Variants in GRIN2A observed in about 807,000 individuals in gnomAD.
The protein encoded by GRIN2A is glutamate ionotropic receptor NMDA type subunit 2A.
GRIN2A carries 22 observed loss-of-function variants against 113.4 expected under a neutral mutation model. The observed-to-expected ratio is 0.19, with a 90% CI of 0.14 to 0.28. The LOEUF (loss-of-function observed/expected upper bound fraction) is 0.28. Among genes scored for constraint, GRIN2A ranks in the 10% least tolerant of loss-of-function variants. GRIN2A has a pLI of 1.00. For synonymous variants in GRIN2A, 827 were observed against 738.4 expected (o/e 1.12, Z -1.94); for missense variants, 1,502 against 1,887.0 (o/e 0.80, Z 3.78).
intron 2 of GRIN2A, among the ~76,000 whole-genome samples, chr16:10,167,631 G>A (rs551365490): frequency 1.3e-5 from 2 of 152,252 alleles, no homozygotes; most frequent in Non-Finnish European, 2.9e-5. Flanking sequence ...ACCTGAGTTC[G>A]AAGATCTACG....
rs577048560 is a variant in GRIN2A at position 9,873,190 on chromosome 16, G to A, written c.1122+17796C>T. On this transcript the variant is annotated intron_variant, in intron 4 of 12. Coordinates refer to ENST00000330684, the MANE Select transcript of GRIN2A (RefSeq NM_001134407.3). ...AATGGAGACTCAGAAAGGCAAGTGGGTGTGAGGGAGGAGGCTGAGGGAAGA... is the reference window on the plus strand; with the variant it reads ...AATGGAGACTCAGAAAGGCAAGTGGATGTGAGGGAGGAGGCTGAGGGAAGA... 1.1e-4 allele frequency among the ~76,000 whole-genome samples: 16 copies of A among 152,320 alleles called. No homozygotes were observed. In the East Asian group the frequency reaches 3.1e-3, roughly 29 times the overall value.
intron 10 of GRIN2A, among the ~76,000 whole-genome samples, chr16:9,801,472 G>C (rs953573965): frequency 1.3e-5 from 2 of 151,200 alleles, no homozygotes; most frequent in African/African-American, 4.9e-5. Flanking sequence ...GGTGCTGCTA[G>C]GCTGGAAATC....
At chr16:10,168,966 AAATAATAACAAT>A (rs1196754573) in intron 2 of GRIN2A, among the ~76,000 whole-genome samples, 118 of 115,690 alleles carry the variant, frequency 1.0e-3, no homozygotes, top group African/African-American at 3.4e-3. Flanking sequence ...ACTCTGTCTC[AAATAATAACAAT>A]AATAATAATA....
intron 2 of GRIN2A, among the ~76,000 whole-genome samples, chr16:9,966,056 C>T (rs1021327547): frequency 2.6e-5 from 4 of 152,176 alleles, no homozygotes; most frequent in East Asian, 1.9e-4. Flanking sequence ...TCCCAAGGTT[C>T]GAGAATCCTT....
In GRIN2A at chr16:10,180,100, C is replaced by A. The variant is rs2050230350; in HGVS notation, c.312G>T (p.Thr104=). Residue 104 remains threonine (T), a synonymous_variant, in exon 2 of 13, where the codon ACG becomes ACT. Coordinates refer to ENST00000330684, the MANE Select transcript of GRIN2A (RefSeq NM_001134407.3). This position sits in a 1 kb window ranked among gnomAD's most constrained non-coding sequence, Gnocchi z 7.0. ...GCATCTGGGCTACGGCCTCCTGGTC[C>A]GTGTCGTCCCCAAACACGAGGCCGT... ...RIHGLVFGDD[T]DQEAVAQMLD... 6.2e-7 allele frequency: 1 copy of A among 1,614,190 alleles called. No homozygotes were observed. Among genetic ancestry groups the A allele is most frequent in the Non-Finnish European group, 8.5e-7 (1 of 1,180,028 alleles).
intron 2 of GRIN2A, among the ~76,000 whole-genome samples, chr16:10,147,196 A>G (rs904533973): frequency 1.3e-5 from 2 of 151,894 alleles, no homozygotes; most frequent in African/African-American, 2.4e-5. Flanking sequence ...CTAGTCCCAC[A>G]CTCTAGGAGC....
chr16:10,028,634 CT>C (rs2046866669), intron 2 of GRIN2A, among the ~76,000 whole-genome samples: 1 of 152,212 alleles, frequency 6.6e-6, no homozygotes, highest in Non-Finnish European at 1.5e-5. Flanking sequence ...AAGCTGCCTG[CT>C]GACCCCAGGA....
intron 2 of GRIN2A, among the ~76,000 whole-genome samples, chr16:10,072,008 T>C (rs891310146): frequency 1.3e-5 from 2 of 152,212 alleles, no homozygotes; most frequent in African/African-American, 4.8e-5. Flanking sequence ...GCCCACACTC[T>C]TGGCCACTAC....
At chr16:10,107,573 C>T (rs1380324798) in intron 2 of GRIN2A, among the ~76,000 whole-genome samples, 1 of 152,170 alleles carries the variant, frequency 6.6e-6, no homozygotes, top group African/African-American at 2.4e-5. Flanking sequence ...AATTTGCAGA[C>T]CAGGGCTGAA....
chr16:9,963,565 G>T (rs867759228), intron 2 of GRIN2A, among the ~76,000 whole-genome samples: 2 of 152,026 alleles, frequency 1.3e-5, no homozygotes, highest in African/African-American at 2.4e-5. Flanking sequence ...TCTGCATCTC[G>T]ATCTGTGTGG....
intron 2 of GRIN2A, among the ~76,000 whole-genome samples, chr16:10,030,456 A>T (rs74463739): frequency 1.1e-4 from 17 of 152,188 alleles, no homozygotes; most frequent in African/African-American, 3.9e-4. Flanking sequence ...TGCTATGGGG[A>T]TGAGGGCAAG....
intron 2 of GRIN2A, among the ~76,000 whole-genome samples, chr16:9,957,267 G>A (rs1237471946): frequency 6.6e-6 from 1 of 152,116 alleles, no homozygotes; most frequent in Non-Finnish European, 1.5e-5. Context: ...TTTACTCAGG[G>A]AAGATTATTT....
intron 2 of GRIN2A, among the ~76,000 whole-genome samples, chr16:10,147,581 G>A (rs1480293126): frequency 2.0e-5 from 3 of 150,152 alleles, no homozygotes; most frequent in Non-Finnish European, 4.4e-5. Flanking sequence ...AGCTTGCAGT[G>A]AGCTGAGATT....
intron 3 of GRIN2A, among the ~76,000 whole-genome samples, chr16:9,931,800 T>C (rs549676658): frequency 9.8e-5 from 15 of 152,334 alleles, no homozygotes; most frequent in African/African-American, 3.4e-4. Flanking sequence ...CATGTGTGTA[T>C]ATACATACCC....
At position 10,101,802 on chromosome 16, in the gene GRIN2A, G is replaced by A. The variant is rs28498245; in HGVS notation, c.414+78196C>T. Among the ~76,000 whole-genome samples, 409 of 152,296 alleles carry A rather than the reference G, an allele frequency of 2.7e-3. 1 individual carries two copies. Among genetic ancestry groups the A allele is most frequent in the African/African-American group, 9.0e-3 (376 of 41,560 alleles). On this transcript the variant is annotated intron_variant, in intron 2 of 12. Coordinates refer to ENST00000330684, the MANE Select transcript of GRIN2A (RefSeq NM_001134407.3). Reference sequence around the variant, plus strand: ...CCCTCACACAACCTTCAGATCTTCCGCTGGAGAGATAGCCCCACTCTAGGA... The same window carrying A: ...CCCTCACACAACCTTCAGATCTTCCACTGGAGAGATAGCCCCACTCTAGGA...
chr16:10,041,647 A>G (rs1354867798), intron 2 of GRIN2A, among the ~76,000 whole-genome samples: 1 of 152,150 alleles, frequency 6.6e-6, no homozygotes, highest in Non-Finnish European at 1.5e-5. Context: ...CCTGTCTCCC[A>G]GGGATGCAAT....
intron 2 of GRIN2A, among the ~76,000 whole-genome samples, chr16:10,111,099 G>A (rs553941341): frequency 3.3e-5 from 5 of 152,174 alleles, no homozygotes; most frequent in Non-Finnish European, 5.9e-5. Flanking sequence ...CAGTTTGGAG[G>A]CTTTCAAGGG....
chr16:9,784,184 C>G (rs1334580561), intron 11 of GRIN2A, among the ~76,000 whole-genome samples: 5 of 152,124 alleles, frequency 3.3e-5, no homozygotes, highest in Non-Finnish European at 5.9e-5. Flanking sequence ...AATCCCAGCA[C>G]TTTGGGAAGC....
chr16:10,171,775 A>T (rs1163329664), intron 2 of GRIN2A, among the ~76,000 whole-genome samples: 1 of 152,258 alleles, frequency 6.6e-6, no homozygotes, highest in Admixed American at 6.5e-5. Context: ...AGCATTTATT[A>T]TAAGGTAGGC....
Sources: allele counts gnomAD v4.1 joint callset (sites outside exome capture counted in the v4.1 genomes callset), GRCh38; gene constraint gnomAD v4.1.1; non-coding constraint Gnocchi (gnomAD v3.1); transcripts MANE v1.5; gene names NCBI Gene and HGNC (gene_info 2026-07-23, HGNC 2026-07-21).